TBX15: variants seen among roughly 807,000 people sequenced by gnomAD.
TBX15 encodes the protein T-box transcription factor 15, also known as T-box transcription factor TBX15.
Under a neutral mutation model 53.9 loss-of-function variants are expected in TBX15, and 18 were observed. The ratio of observed to expected loss-of-function variants is 0.33; its 90% confidence interval spans 0.23 to 0.49. TBX15 has a LOEUF of 0.49. Among genes scored for constraint, TBX15 ranks in the 20% least tolerant of loss-of-function variants. The probability of loss-of-function intolerance (pLI) is 0.98; values close to 1 mark genes in which losing one functional copy is unlikely to be tolerated. For missense variants in TBX15, 692 were observed against 749.5 expected, an observed-to-expected ratio of 0.92 and a Z score of 0.90; for synonymous variants, 295 against 278.0, an observed-to-expected ratio of 1.06 and a Z score of -0.61.
intron 5 of TBX15, 84 bp downstream of exon 5, chr1:118,923,352 T>C (rs1473565167): frequency 1.3e-6 from 2 of 1,558,916 alleles, no homozygotes; most frequent in Admixed American, 1.8e-5. Context: ...CAAATTCCCC[T>C]GAAAGTAAAT....
chr1:118,936,101 C>T (rs1308205455), intron 1 of TBX15, among the ~76,000 whole-genome samples: 6 of 152,150 alleles, frequency 3.9e-5, no homozygotes, highest in Admixed American at 2.0e-4. Flanking sequence ...GGCCAAGTCA[C>T]ATGACTATTC....
At chr1:118,969,769 T>C (rs770744350) in intron 1 of TBX15, among the ~76,000 whole-genome samples, 2 of 152,250 alleles carry the variant, frequency 1.3e-5, no homozygotes, top group Non-Finnish European at 1.5e-5. Flanking sequence ...TAGAGAAAGA[T>C]AGACTAGGTT....
chr1:118,986,856 T>A (rs1657857438), intron 1 of TBX15, among the ~76,000 whole-genome samples: 1 of 152,118 alleles, frequency 6.6e-6, no homozygotes, highest in Non-Finnish European at 1.5e-5. Context: ...ACACAAAACG[T>A]TAAAGTTGGC....
At chr1:118,960,974 A>C (rs1656853684) in intron 1 of TBX15, among the ~76,000 whole-genome samples, 1 of 152,198 alleles carries the variant, frequency 6.6e-6, no homozygotes, top group Non-Finnish European at 1.5e-5. Flanking sequence ...AGAGATCTGC[A>C]GGCAGCAGCA....
intron 5 of TBX15, among the ~76,000 whole-genome samples, chr1:118,918,009 G>A (rs1655304605): frequency 6.6e-6 from 1 of 152,100 alleles, no homozygotes; most frequent in African/African-American, 2.4e-5. Flanking sequence ...CTGTGTTCAG[G>A]CCACTCACAT....
chr1:118,958,751 G>T (rs1373472335), intron 1 of TBX15, among the ~76,000 whole-genome samples: 1 of 151,922 alleles, frequency 6.6e-6, no homozygotes, highest in African/African-American at 2.4e-5. Flanking sequence ...ATCTTATTAG[G>T]CATGTTGAGA....
chr1:118,898,006 A>C (rs1654487149), intron 7 of TBX15, among the ~76,000 whole-genome samples: 1 of 152,358 alleles, frequency 6.6e-6, no homozygotes, highest in South Asian at 2.1e-4. Context: ...TGATGAAGAC[A>C]ATGATAACTA....
intron 7 of TBX15, among the ~76,000 whole-genome samples, chr1:118,890,071 C>A (rs1038441097): frequency 3.3e-5 from 5 of 152,220 alleles, no homozygotes; most frequent in African/African-American, 1.2e-4. Context: ...TCTCCCCACC[C>A]TGATGAGCAT....
intron 3 of TBX15, among the ~76,000 whole-genome samples, chr1:118,925,572 G>T (rs978845690): frequency 6.6e-6 from 1 of 152,202 alleles, no homozygotes. Flanking sequence ...TAGCTCAGAA[G>T]AAACATCTCC....
At chr1:118,897,100 C>T (rs1654456078) in intron 7 of TBX15, among the ~76,000 whole-genome samples, 1 of 152,144 alleles carries the variant, frequency 6.6e-6, no homozygotes, top group Admixed American at 6.5e-5. Flanking sequence ...ACCCTTCATA[C>T]TGGTAAATTT....
At chr1:118,955,010 T>C (rs1462896287) in intron 1 of TBX15, among the ~76,000 whole-genome samples, 1 of 151,782 alleles carries the variant, frequency 6.6e-6, no homozygotes, top group Non-Finnish European at 1.5e-5. Context: ...ACAAAGGGAG[T>C]GTGAAGAATG....
intron 4 of TBX15, 35 bp from the exon 5 acceptor site, chr1:118,923,638 T>G (rs1173126211): frequency 6.2e-7 from 1 of 1,613,396 alleles, no homozygotes; most frequent in Non-Finnish European, 8.5e-7. Context: ...CAGGCTTGGC[T>G]TTAAGGAACC....
At chr1:118,941,448 GA>G (rs1656173095) in intron 1 of TBX15, among the ~76,000 whole-genome samples, 1 of 152,150 alleles carries the variant, frequency 6.6e-6, no homozygotes, top group Non-Finnish European at 1.5e-5. Context: ...GCACAGCCAG[GA>G]ATGCCCTTCA....
chr1:118,901,440 G>T (rs754961492), intron 6 of TBX15: 1 of 456,032 alleles, frequency 2.2e-6, no homozygotes, highest in South Asian at 1.6e-5. Context: ...GATTAAGTTT[G>T]GAACACATAA....
At chr1:118,940,110 CAG>C (rs1656121209) in intron 1 of TBX15, among the ~76,000 whole-genome samples, 2 of 151,960 alleles carry the variant, frequency 1.3e-5, no homozygotes, top group South Asian at 4.1e-4. Flanking sequence ...ACTCTGAACT[CAG>C]AAATGCAGAG....
rs536026789 is a variant in TBX15, at chr1:118,923,386, A to G, written c.861+50T>C. Reference sequence around the variant, plus strand: ...ATAATACCTAAGGAATCTTATGCAGAAGGACCAAAAAACAGATGTAGCAGA... The same window carrying G: ...ATAATACCTAAGGAATCTTATGCAGGAGGACCAAAAAACAGATGTAGCAGA... On this transcript the variant is annotated intron_variant, in intron 5 of 7. Transcript: ENST00000369429. 376 of 1,610,804 alleles carry G rather than the reference A, an allele frequency of 2.3e-4. 6 individuals carry two copies. The South Asian group carries it at 3.9e-3, about 17-fold the overall frequency.
chr1:118,908,081 C>T (rs61806200), intron 6 of TBX15, among the ~76,000 whole-genome samples: 6 of 152,138 alleles, frequency 3.9e-5, no homozygotes, highest in Non-Finnish European at 1.5e-5. Flanking sequence ...GAGATTTGCT[C>T]CTTCTTCCCT....
chr1:118,921,095 C>A (rs888141326), intron 5 of TBX15, among the ~76,000 whole-genome samples: 1 of 151,982 alleles, frequency 6.6e-6, no homozygotes, highest in African/African-American at 2.4e-5. Flanking sequence ...AGGAGGATGG[C>A]TTGATCCCAG....
intron 1 of TBX15, among the ~76,000 whole-genome samples, chr1:118,937,758 T>C (rs756126137): frequency 8.5e-5 from 13 of 152,242 alleles, no homozygotes; most frequent in Admixed American, 2.0e-4. Flanking sequence ...CTTTCTTTTC[T>C]GCCAAATACT....
Sources: allele counts gnomAD v4.1 joint callset (sites outside exome capture counted in the v4.1 genomes callset), GRCh38; gene constraint gnomAD v4.1.1; transcripts MANE v1.5; gene names NCBI Gene and HGNC (gene_info 2026-07-23, HGNC 2026-07-21).